Variants in CELF2 observed in about 807,000 individuals in gnomAD.
CELF2 encodes the protein CUG triplet repeat RNA-binding protein 2.
In CELF2, 8 loss-of-function variants were observed where a neutral mutation model predicts 62.6. The observed-to-expected ratio is 0.13, with a 90% CI of 0.07 to 0.23. The LOEUF is 0.23. Among genes scored for constraint, CELF2 ranks in the 10% least tolerant of loss-of-function variants. The pLI is 1.00. For missense variants in CELF2, 333 were observed against 671.0 expected, an observed-to-expected ratio of 0.50 and a Z score of 5.56; for synonymous variants, 258 against 250.0, an observed-to-expected ratio of 1.03 and a Z score of -0.30.
At chr10:10,588,892 A>T in the CELF2 span, among the ~76,000 whole-genome samples, 1 of 152,070 alleles carries the variant, frequency 6.6e-6, no homozygotes, top group Non-Finnish European at 1.5e-5. Flanking sequence ...TGCCAGTTTA[A>T]ACTCTCCTTG....
At chr10:10,519,369 T>C in the CELF2 span, among the ~76,000 whole-genome samples, 162 of 152,186 alleles carry the variant, frequency 1.1e-3, no homozygotes, top group African/African-American at 3.8e-3. Flanking sequence ...GAATCCAGAA[T>C]TGTAAAAAAT....
intron 1 of CELF2, among the ~76,000 whole-genome samples, chr10:11,061,127 A>T (rs1037322992): frequency 1.3e-5 from 2 of 152,378 alleles, no homozygotes; most frequent in East Asian, 1.9e-4. Flanking sequence ...TGGACCAAGC[A>T]TTCTATCCAA....
At chr10:10,910,716 A>G (rs547246282) in intron 1 of CELF2, among the ~76,000 whole-genome samples, 7 of 148,584 alleles carry the variant, frequency 4.7e-5, no homozygotes, top group East Asian at 1.9e-4. Flanking sequence ...AAAAAAAAAA[A>G]AAAGAAAAGA....
intron 1 of CELF2, among the ~76,000 whole-genome samples, chr10:10,825,511 G>T (rs1465434727): frequency 1.3e-5 from 2 of 152,124 alleles, no homozygotes; most frequent in Non-Finnish European, 2.9e-5. Flanking sequence ...CGCCCAGCTG[G>T]ATACCGATGT....
Position 11,214,420 on chromosome 10 carries a change from C to T in CELF2, c.272-3005C>T, listed in dbSNP as rs555744485. ...GGGTTAGTATTCCCAGTCTCCTTGT[C>T]TGCCCAGGACCCCACATTTGTGTAA... On this transcript the variant is annotated intron_variant, in intron 2 of 12. Coordinates refer to ENST00000633077, the MANE Select transcript of CELF2 (RefSeq NM_001326342.2). This position sits in a 1 kb window ranked among gnomAD's most constrained non-coding sequence, Gnocchi z 4.2. 1.0e-3 allele frequency among the ~76,000 whole-genome samples: 157 copies of T among 152,360 alleles called. No homozygotes were observed. Among genetic ancestry groups the T allele is most frequent in the African/African-American group, 3.4e-3 (143 of 41,598 alleles).
rs1486452929 is a variant in CELF2, at chr10:11,157,538, C to A, written c.75-7948C>A. ...CCTTTATTTATTGCTCTATTATAGG[C>A]CTTATACCACATTGGTTTTGGTTTT... On this transcript the variant is annotated intron_variant, in intron 1 of 12. Coordinates refer to ENST00000633077, the MANE Select transcript of CELF2 (RefSeq NM_001326342.2). This position sits in a 1 kb window ranked among gnomAD's most constrained non-coding sequence, Gnocchi z 4.9. Among the ~76,000 whole-genome samples the A allele has an allele frequency of 6.6e-6, 1 of 152,154 alleles. No homozygotes were observed. Among genetic ancestry groups the A allele is most frequent in the Non-Finnish European group, 1.5e-5 (1 of 68,030 alleles).
the CELF2 span, among the ~76,000 whole-genome samples, chr10:10,660,146 C>T: frequency 1.3e-5 from 2 of 152,160 alleles, no homozygotes; most frequent in Non-Finnish European, 2.9e-5. Context: ...TCATCAGGAA[C>T]CTTTTCTTGC....
intron 1 of CELF2, among the ~76,000 whole-genome samples, chr10:10,824,183 G>A (rs2057198686): frequency 6.6e-6 from 1 of 152,066 alleles, no homozygotes; most frequent in Non-Finnish European, 1.5e-5. Context: ...AGAAAGTCTG[G>A]TATATTAAAA....
At chr10:11,256,712 G>A (rs1057492639) in intron 4 of CELF2, among the ~76,000 whole-genome samples, 3 of 146,826 alleles carry the variant, frequency 2.0e-5, no homozygotes, top group African/African-American at 5.0e-5. Flanking sequence ...GACTCCAAAC[G>A]CTGTCCTGAG....
the CELF2 span, among the ~76,000 whole-genome samples, chr10:10,524,902 G>A: frequency 6.6e-6 from 1 of 152,176 alleles, no homozygotes; most frequent in African/African-American, 2.4e-5. Context: ...CAGCAATTAA[G>A]TAAATATGCA....
At chr10:10,569,089 G>A in the CELF2 span, among the ~76,000 whole-genome samples, 1,093 of 152,258 alleles carry the variant, frequency 7.2e-3, 13 homozygotes, top group African/African-American at 0.024. Flanking sequence ...TGGAAGAAAG[G>A]GGGCTGCTAA....
At chr10:11,295,971 C>T (rs1441967922) in intron 9 of CELF2, among the ~76,000 whole-genome samples, 5 of 152,108 alleles carry the variant, frequency 3.3e-5, no homozygotes, top group Non-Finnish European at 2.9e-5. Flanking sequence ...AGGCTGGAGT[C>T]TCTTAATAGT....
the CELF2 span, among the ~76,000 whole-genome samples, chr10:10,646,461 T>G: frequency 6.6e-6 from 1 of 152,226 alleles, no homozygotes; most frequent in Admixed American, 6.5e-5. Flanking sequence ...GCACGTCGTT[T>G]CTCAGCCCCT....
intron 1 of CELF2, among the ~76,000 whole-genome samples, chr10:11,076,212 T>C (rs955739608): frequency 5.3e-5 from 8 of 152,046 alleles, no homozygotes; most frequent in Admixed American, 4.6e-4. Flanking sequence ...CAAGCTTAAA[T>C]CAGGCCAACT....
At chr10:10,542,488 A>G in the CELF2 span, among the ~76,000 whole-genome samples, 1 of 152,238 alleles carries the variant, frequency 6.6e-6, no homozygotes, top group East Asian at 1.9e-4. Flanking sequence ...GCTTTTTGGC[A>G]GAGACTCAAA....
the CELF2 span, among the ~76,000 whole-genome samples, chr10:10,777,461 C>T: frequency 8.1e-4 from 124 of 152,266 alleles, no homozygotes; most frequent in African/African-American, 2.7e-3. Flanking sequence ...CACACCTCAC[C>T]CCTCTATCTC....
rs2022376 is a variant in CELF2 at position 11,039,767 on chromosome 10, C to T, written c.74+21604C>T. Among the ~76,000 whole-genome samples the T allele has an allele frequency of 6.2e-3, 937 of 152,220 alleles. 12 individuals are homozygous for T. Among genetic ancestry groups the T allele is most frequent in the African/African-American group, 0.019 (801 of 41,514 alleles). On this transcript the variant is annotated intron_variant, in intron 1 of 12. Transcript: ENST00000633077. This position sits in a 1 kb window ranked among gnomAD's most constrained non-coding sequence, Gnocchi z 4.1. ...AAAAAAGATAATTATATATCTATTACGTCTTACATTTTTGTAAATTCCATT... is the reference window on the plus strand; with the variant it reads ...AAAAAAGATAATTATATATCTATTATGTCTTACATTTTTGTAAATTCCATT...
At chr10:10,887,989 T>C (rs139367248) in intron 1 of CELF2, among the ~76,000 whole-genome samples, 430 of 152,300 alleles carry the variant, frequency 2.8e-3, no homozygotes, top group African/African-American at 9.9e-3. Flanking sequence ...GCCAGGCTGG[T>C]CTCAAACCCC....
In CELF2 at chr10:11,329,622, A is replaced by G. The variant is rs559276144; in HGVS notation, c.*569A>G. The stretch of plus-strand genomic sequence containing the variant: ...TCTTTCCACTACATCGGCTTGTTTT[A>G]CTAAGTAGGATTTTATTTTAGGGTT... On this transcript the variant is annotated 3_prime_UTR_variant, in exon 13 of 13. Transcript: ENST00000633077. The surrounding 1 kb of genome is among the most constrained non-coding windows in gnomAD (Gnocchi z 5.5). The G allele has an allele frequency of 3.3e-5, 5 of 152,696 alleles. No homozygotes were observed. Among genetic ancestry groups the G allele is most frequent in the African/African-American group, 9.6e-5 (4 of 41,564 alleles). 9.5% of individuals were successfully genotyped at this position (152,696 alleles called of 1,614,324 possible).
Sources: allele counts gnomAD v4.1 joint callset (sites outside exome capture counted in the v4.1 genomes callset), GRCh38; gene constraint gnomAD v4.1.1; non-coding constraint Gnocchi (gnomAD v3.1); transcripts MANE v1.5; gene names NCBI Gene and HGNC (gene_info 2026-07-23, HGNC 2026-07-21).